UBE2D3: variants seen among roughly 807,000 people sequenced by gnomAD.
The protein encoded by UBE2D3 is ubiquitin conjugating enzyme E2 D3.
Under a neutral mutation model 22.8 loss-of-function variants are expected in UBE2D3, and 2 were observed. That is an observed-to-expected ratio of 0.09 (90% CI 0.04 to 0.28). The LOEUF (loss-of-function observed/expected upper bound fraction) is 0.28. Among genes scored for constraint, UBE2D3 ranks in the 10% least tolerant of loss-of-function variants. The pLI, the probability that UBE2D3 is intolerant of heterozygous loss-of-function variation, is 1.00. For missense variants in UBE2D3, 27 were observed against 182.5 expected (o/e 0.15, Z 4.91); for synonymous variants, 56 against 60.4 (o/e 0.93, Z 0.34).
intron 1 of UBE2D3, among the ~76,000 whole-genome samples, chr4:102,864,340 T>C (rs1156626212): frequency 5.9e-5 from 2 of 33,868 alleles, no homozygotes; most frequent in Non-Finnish European, 1.0e-4. Flanking sequence ...AAATAAAAAA[T>C]TGGCAAACCT....
At chr4:102,864,951 A>G (rs1479906272) in intron 1 of UBE2D3, among the ~76,000 whole-genome samples, 2 of 152,252 alleles carry the variant, frequency 1.3e-5, no homozygotes, top group Non-Finnish European at 2.9e-5. Flanking sequence ...GTGCTAGAAC[A>G]TAGTTGTCTG....
At chr4:102,815,042 C>T (rs772440532) in intron 2 of UBE2D3, among the ~76,000 whole-genome samples, 5 of 151,638 alleles carry the variant, frequency 3.3e-5, no homozygotes, top group Non-Finnish European at 5.9e-5. Flanking sequence ...AAATATTTAG[C>T]GTAATTTTCT....
intron 1 of UBE2D3, among the ~76,000 whole-genome samples, chr4:102,850,672 CTG>C (rs1362809407): frequency 2.0e-5 from 3 of 152,232 alleles, no homozygotes; most frequent in East Asian, 3.9e-4. Context: ...TTATATTTCT[CTG>C]TGAACAAATA....
At position 102,809,869 on chromosome 4, in the gene UBE2D3, G is replaced by A; in HGVS notation, c.25-14C>T. On this transcript the variant is annotated splice_polypyrimidine_tract_variant and intron_variant, in intron 2 of 7. Coordinates refer to ENST00000453744, the MANE Select transcript of UBE2D3 (RefSeq NM_181891.3). Reference sequence around the variant, plus strand: ...ATCACTAAGTTCCTACACCAAGACAGAAAATGGGTGAGTCACATAAGCTTA... The same window carrying A: ...ATCACTAAGTTCCTACACCAAGACAAAAAATGGGTGAGTCACATAAGCTTA... 6.2e-7 allele frequency: 1 copy of A among 1,611,736 alleles called. No individual in the cohort carries two copies. The highest frequency in any genetic ancestry group is 1.1e-5 in the South Asian group (1 of 90,840).
chr4:102,850,843 A>C (rs1732305327), intron 1 of UBE2D3, among the ~76,000 whole-genome samples: 1 of 152,088 alleles, frequency 6.6e-6, no homozygotes, highest in Non-Finnish European at 1.5e-5. Flanking sequence ...GGAAAACCAA[A>C]CATCATTATG....
chr4:102,858,698 T>C (rs1379675437), intron 1 of UBE2D3, among the ~76,000 whole-genome samples: 1 of 152,004 alleles, frequency 6.6e-6, no homozygotes, highest in Non-Finnish European at 1.5e-5. Flanking sequence ...TTAGGTATGA[T>C]TGACATGTAA....
Position 102,801,630 on chromosome 4 carries a change from T to C in UBE2D3, c.199-71A>G. 6 of 1,231,616 alleles carry C rather than the reference T, an allele frequency of 4.9e-6. No individual in the cohort carries two copies. The Admixed American group carries it at 7.1e-5, about 15-fold the overall frequency. 76.3% of individuals were successfully genotyped at this position (1,231,616 alleles called of 1,614,324 possible). On this transcript the variant is annotated intron_variant, in intron 5 of 7. Transcript: ENST00000453744. The stretch of plus-strand genomic sequence containing the variant: ...TCTTTTAAAGCAAAACTTAAAATAA[T>C]CAAGCCACAATGTTAAAAATGTCAT...
At chr4:102,806,836 C>T (rs1338998853) in intron 4 of UBE2D3, among the ~76,000 whole-genome samples, 1 of 152,032 alleles carries the variant, frequency 6.6e-6, no homozygotes, top group African/African-American at 2.4e-5. Context: ...TACCCCACGC[C>T]CCCCTCCCCA....
chr4:102,819,681 C>A (rs1729285342), intron 2 of UBE2D3: 1 of 740,248 alleles, frequency 1.4e-6, no homozygotes, highest in Non-Finnish European at 1.6e-6. Flanking sequence ...TGGATTCTAC[C>A]TTTAAGACAG....
chr4:102,797,611 T>C (rs1481679186), intron 7 of UBE2D3, 151 bp from the exon 8 acceptor site: 2 of 495,758 alleles, frequency 4.0e-6, no homozygotes, highest in East Asian at 6.8e-5. Context: ...AAGGGAGAAA[T>C]AGCACTGGTA....
At chr4:102,816,085 A>G (rs1351059751) in intron 2 of UBE2D3, among the ~76,000 whole-genome samples, 1 of 152,224 alleles carries the variant, frequency 6.6e-6, no homozygotes, top group African/African-American at 2.4e-5. Context: ...GTCATAGCAG[A>G]TGCTCTTTGT....
At chr4:102,817,355 G>A (rs748912151) in intron 2 of UBE2D3, among the ~76,000 whole-genome samples, 6 of 152,230 alleles carry the variant, frequency 3.9e-5, no homozygotes, top group African/African-American at 1.4e-4. Flanking sequence ...ACTAGCAGTC[G>A]TACACCACAA....
upstream of UBE2D3, chr4:102,828,138 G>C (rs1047129943): frequency 5.1e-6 from 5 of 985,358 alleles, no homozygotes; most frequent in African/African-American, 8.7e-5. Flanking sequence ...CAACGCCCCT[G>C]AATGCTTATG....
chr4:102,815,588 T>A (rs1003849692), intron 2 of UBE2D3, among the ~76,000 whole-genome samples: 3 of 152,204 alleles, frequency 2.0e-5, no homozygotes, highest in Non-Finnish European at 4.4e-5. Flanking sequence ...TATTTATCCA[T>A]CACTAAGCCT....
At chr4:102,822,968 C>CA (rs202148714) in intron 2 of UBE2D3, among the ~76,000 whole-genome samples, 2 of 152,006 alleles carry the variant, frequency 1.3e-5, no homozygotes, top group African/African-American at 4.8e-5. Context: ...TGAAATGGTT[C>CA]AAAAAAGAGC....
intron 1 of UBE2D3, among the ~76,000 whole-genome samples, chr4:102,844,844 C>A (rs1731956806): frequency 6.6e-6 from 1 of 151,904 alleles, no homozygotes; most frequent in African/African-American, 2.4e-5. Flanking sequence ...CATGGTGAAA[C>A]CCTGTCTCTA....
chr4:102,800,165 C>G (rs1197080082), intron 6 of UBE2D3, among the ~76,000 whole-genome samples: 1 of 151,890 alleles, frequency 6.6e-6, no homozygotes, highest in Non-Finnish European at 1.5e-5. Context: ...TGCCAGTCAC[C>G]ATATATGGTG....
chr4:102,827,772 C>T, upstream of UBE2D3: 2 of 948,038 alleles, frequency 2.1e-6, no homozygotes, highest in Non-Finnish European at 2.5e-6. Context: ...ACCAGGAGGG[C>T]GGGGGAGGGA....
At chr4:102,835,108 A>G (rs1234889292) in intron 1 of UBE2D3, among the ~76,000 whole-genome samples, 1 of 152,344 alleles carries the variant, frequency 6.6e-6, no homozygotes, top group East Asian at 1.9e-4. Context: ...ATTATAATGA[A>G]GAAGCCTCAT....
Sources: gnomAD v4.1 joint callset for allele counts (sites outside exome capture counted in the v4.1 genomes callset) on GRCh38, gnomAD v4.1.1 for gene constraint, MANE v1.5 for transcripts, NCBI Gene and HGNC (gene_info 2026-07-23, HGNC 2026-07-21) for gene names.